The following MAGI2 variants were observed in gnomAD, a reference collection of about 807,000 sequenced individuals.
MAGI2 encodes membrane-associated guanylate kinase, WW and PDZ domain-containing protein 2.
Under a neutral mutation model 133.3 loss-of-function variants are expected in MAGI2, and 35 were observed. The observed-to-expected ratio is 0.26, with a 90% confidence interval of 0.20 to 0.35. The LOEUF is 0.35. MAGI2 is among the 10% of genes least tolerant of loss of function. The probability of loss-of-function intolerance (pLI) is 1.00; values close to 1 mark genes in which losing one functional copy is unlikely to be tolerated. For missense variants in MAGI2, 1,636 were observed against 1,863.4 expected (o/e 0.88, Z 2.25); for synonymous variants, 729 against 710.6 (o/e 1.03, Z -0.41).
At chr7:78,480,277 T>A (rs1418087340) in intron 6 of MAGI2, among the ~76,000 whole-genome samples, 1 of 151,770 alleles carries the variant, frequency 6.6e-6, no homozygotes, top group Non-Finnish European at 1.5e-5. Flanking sequence ...TTGACACCAA[T>A]TTTACACAAT....
intron 1 of MAGI2, among the ~76,000 whole-genome samples, chr7:79,420,521 A>G (rs1846880934): frequency 2.0e-5 from 3 of 151,980 alleles, no homozygotes; most frequent in South Asian, 2.1e-4. Flanking sequence ...TCTGTGATCA[A>G]TGTGAAAGTT....
chr7:78,165,108 G>T (rs1045065294), intron 15 of MAGI2, among the ~76,000 whole-genome samples: 1 of 152,136 alleles, frequency 6.6e-6, no homozygotes, highest in Non-Finnish European at 1.5e-5. Context: ...ATGAATAAAA[G>T]AAAAATTGGA....
At chr7:78,898,641 TAGGGCC>T (rs1797388041) in intron 2 of MAGI2, among the ~76,000 whole-genome samples, 4 of 151,946 alleles carry the variant, frequency 2.6e-5, no homozygotes, top group African/African-American at 9.7e-5. Context: ...CAACACACAC[TAGGGCC>T]TATCAGAGGA....
intron 16 of MAGI2, among the ~76,000 whole-genome samples, chr7:78,152,074 A>G (rs1823932353): frequency 6.6e-6 from 1 of 152,222 alleles, no homozygotes; most frequent in South Asian, 2.1e-4. Flanking sequence ...TGAAATGACT[A>G]TAATAGCAAT....
chr7:78,686,541 T>C (rs1241716923), intron 2 of MAGI2, among the ~76,000 whole-genome samples: 1 of 143,986 alleles, frequency 6.9e-6, no homozygotes, highest in African/African-American at 2.6e-5. Flanking sequence ...AGCTGTTAGC[T>C]TCCCAAAGGA....
chr7:78,389,728 G>A (rs1003873625), intron 6 of MAGI2, among the ~76,000 whole-genome samples: 4 of 152,142 alleles, frequency 2.6e-5, no homozygotes, highest in African/African-American at 9.7e-5. Flanking sequence ...TCCAAAGTGT[G>A]CTGGTTTGGG....
At chr7:78,073,687 C>T (rs77985627) in intron 21 of MAGI2, among the ~76,000 whole-genome samples, 74 of 152,328 alleles carry the variant, frequency 4.9e-4, no homozygotes, top group African/African-American at 1.8e-3. Flanking sequence ...GTTGATAAAT[C>T]AAGTGTATGT....
At chr7:78,759,394 A>G (rs1282971506) in intron 2 of MAGI2, among the ~76,000 whole-genome samples, 1 of 152,182 alleles carries the variant, frequency 6.6e-6, no homozygotes, top group Non-Finnish European at 1.5e-5. Flanking sequence ...ATTTAAACCC[A>G]AGAAAACAGC....
At chr7:78,624,485 T>C (rs1808106485) in intron 3 of MAGI2, among the ~76,000 whole-genome samples, 1 of 152,176 alleles carries the variant, frequency 6.6e-6, no homozygotes, top group Non-Finnish European at 1.5e-5. Flanking sequence ...AATGAGATCA[T>C]GTCCTTTGCA....
intron 6 of MAGI2, among the ~76,000 whole-genome samples, chr7:78,448,000 A>G (rs909083824): frequency 1.3e-5 from 2 of 152,108 alleles, no homozygotes; most frequent in African/African-American, 4.8e-5. Context: ...GATTCTACAT[A>G]TAAGTTAGAT....
rs144864145 is a variant in MAGI2, at chr7:78,493,329, G to A, written c.966-3489C>T. Among the ~76,000 whole-genome samples the A allele has an allele frequency of 5.9e-4, 90 of 152,242 alleles. 1 individual carries two copies. In the Middle Eastern group the frequency reaches 0.024, roughly 40 times the overall value. Reference sequence around the variant, plus strand: ...AAAACATTCTTCTCACATAGAACATGCTTCATTTCAACAAGAAAAGCTATT... The same window carrying A: ...AAAACATTCTTCTCACATAGAACATACTTCATTTCAACAAGAAAAGCTATT... On this transcript the variant is annotated intron_variant, in intron 5 of 21. Coordinates refer to ENST00000354212, the MANE Select transcript of MAGI2 (RefSeq NM_012301.4).
chr7:79,245,975 C>T (rs1014363447), intron 1 of MAGI2, among the ~76,000 whole-genome samples: 3 of 152,150 alleles, frequency 2.0e-5, no homozygotes, highest in Admixed American at 1.3e-4. Context: ...AGAACAACAG[C>T]GTCTGCATGG....
intron 2 of MAGI2, among the ~76,000 whole-genome samples, chr7:78,910,599 C>G (rs1435699977): frequency 6.6e-6 from 1 of 152,134 alleles, no homozygotes; most frequent in Non-Finnish European, 1.5e-5. Flanking sequence ...TGGTGCTTTT[C>G]TCTTGCCCAA....
At chr7:79,212,209 A>G (rs1267585586) in intron 1 of MAGI2, among the ~76,000 whole-genome samples, 1 of 152,062 alleles carries the variant, frequency 6.6e-6, no homozygotes, top group East Asian at 1.9e-4. Context: ...CATTATTTGT[A>G]GTTGCTATAG....
At chr7:79,135,588 GC>G (rs1354964802) in intron 1 of MAGI2, among the ~76,000 whole-genome samples, 5 of 152,072 alleles carry the variant, frequency 3.3e-5, no homozygotes, top group Non-Finnish European at 7.4e-5. Flanking sequence ...CCTGTTGCTA[GC>G]CCCTTGACAT....
At chr7:79,101,561 A>G (rs1333842040) in intron 1 of MAGI2, among the ~76,000 whole-genome samples, 1 of 151,974 alleles carries the variant, frequency 6.6e-6, no homozygotes, top group East Asian at 1.9e-4. Context: ...CGTCTCCACT[A>G]AAAATACAAA....
intron 2 of MAGI2, among the ~76,000 whole-genome samples, chr7:78,945,978 A>C (rs1801387022): frequency 6.6e-6 from 1 of 152,196 alleles, no homozygotes; most frequent in Non-Finnish European, 1.5e-5. Flanking sequence ...CCTTCTGAGC[A>C]GGAGTTTATT....
intron 16 of MAGI2, among the ~76,000 whole-genome samples, chr7:78,142,110 G>C (rs1822822625): frequency 6.6e-6 from 1 of 152,136 alleles, no homozygotes; most frequent in Non-Finnish European, 1.5e-5. Context: ...TGGGCCAGGG[G>C]TCACATGGCT....
chr7:78,560,471 G>A (rs561221395), intron 3 of MAGI2, among the ~76,000 whole-genome samples: 22 of 152,240 alleles, frequency 1.4e-4, no homozygotes, highest in South Asian at 4.1e-4. Context: ...GTGGCAAAAC[G>A]TAATCATTGG....
Sources: allele counts gnomAD v4.1 joint callset (sites outside exome capture counted in the v4.1 genomes callset), GRCh38; gene constraint gnomAD v4.1.1; transcripts MANE v1.5; gene names NCBI Gene and HGNC (gene_info 2026-07-23, HGNC 2026-07-21).